Variants in NCAPD2 observed in about 807,000 individuals in gnomAD.
The protein encoded by NCAPD2 is condensin complex subunit 1.
In NCAPD2, 100 loss-of-function variants were observed where a neutral mutation model predicts 164.5. The ratio of observed to expected loss-of-function variants is 0.61; its 90% confidence interval spans 0.52 to 0.72. The LOEUF is 0.72. NCAPD2 is among the 30% of genes least tolerant of loss of function. NCAPD2 has a pLI of 0.00. For synonymous variants in NCAPD2, 585 were observed against 642.6 expected (o/e 0.91, Z 1.36); for missense variants, 1,560 against 1,749.2 (o/e 0.89, Z 1.93).
chr12:6,496,347 A>G (rs997528433), intron 2 of NCAPD2, among the ~76,000 whole-genome samples: 1 of 152,190 alleles, frequency 6.6e-6, no homozygotes, highest in African/African-American at 2.4e-5. Context: ...GGCGTGAGCC[A>G]CTGCACCAGT....
In NCAPD2 at chr12:6,525,680, G is replaced by T. The variant is rs1310900245; in HGVS notation, c.2312G>T (p.Arg771Leu). ...AAGGTCGCCTGCTGTCCTCTGGAGC[G>T]CTGTTCCTCTGTCATGCTTCTTGGC... ...TEKVACCPLE[R>L]CSSVMLLGMM... Residue 771 changes from arginine (R) to leucine (L), a missense_variant, in exon 18 of 32, where the codon CGC becomes CTC. Arg to Leu is a moderately radical substitution (Grantham distance 102). Coordinates refer to ENST00000315579, the MANE Select transcript of NCAPD2 (RefSeq NM_014865.4). The T allele has an allele frequency of 6.2e-7, 1 of 1,613,602 alleles. No homozygotes were observed. Among genetic ancestry groups the T allele is most frequent in the Non-Finnish European group, 8.5e-7 (1 of 1,179,970 alleles).
chr12:6,531,509 T>A lies in NCAPD2; in HGVS notation c.*97T>A, dbSNP rs571340759. Reference sequence around the variant, plus strand: ...GTAAAATATTTGTCTGTCTCTTTTTTTTAAAAAAAAAAAAGGCCGGGCACT... The same window carrying A: ...GTAAAATATTTGTCTGTCTCTTTTTATTAAAAAAAAAAAAGGCCGGGCACT... On this transcript the variant is annotated 3_prime_UTR_variant, in exon 32 of 32. Coordinates refer to ENST00000315579, the MANE Select transcript of NCAPD2 (RefSeq NM_014865.4). The surrounding 1 kb of genome is among the most constrained non-coding windows in gnomAD (Gnocchi z 4.1). 535 of 1,507,992 alleles carry A rather than the reference T, an allele frequency of 3.5e-4. No individual in the cohort carries two copies. Among genetic ancestry groups the A allele is most frequent in the African/African-American group, 2.5e-3 (149 of 59,310 alleles). 93.4% of individuals were successfully genotyped at this position (1,507,992 alleles called of 1,614,324 possible). A position where few individuals can be genotyped will look rare whatever the true frequency, so the allele number is the denominator to read the frequency against.
Position 6,531,266 on chromosome 12 carries a change from A to G in NCAPD2, c.4121-61A>G, listed in dbSNP as rs1350188779. The G allele has an allele frequency of 1.3e-6, 2 of 1,545,526 alleles. No individual in the cohort carries two copies. Among genetic ancestry groups the G allele is most frequent in the African/African-American group, 2.7e-5 (2 of 73,206 alleles). ...GGGATTGTCTCACTTGTTCTCTGAT[A>G]TCTATTTTTTCACCATCTTTGTGAC... is the stretch of plus-strand genomic sequence containing the variant. On this transcript the variant is annotated intron_variant, in intron 31 of 31. Transcript: ENST00000315579. The surrounding 1 kb of genome is among the most constrained non-coding windows in gnomAD (Gnocchi z 4.1).
At position 6,530,698 on chromosome 12, in the gene NCAPD2, T is replaced by C. The variant is rs779146378; in HGVS notation, c.3845T>C (p.Ile1282Thr). ...RGAKPEGKAI[I>T]DEFEQKLRAC... ...CTCCTTTTCTCCCTCCAGGCTATAA[T>C]AGATGAATTTGAGCAGAAGCTTCGG... The change falls in exon 30 of 32, where the codon ATA (isoleucine) becomes ACA (threonine). Residue 1282 changes from isoleucine to threonine, a missense_variant. Transcript: ENST00000315579. 5 of 1,614,106 alleles carry C rather than the reference T, an allele frequency of 3.1e-6. No individual in the cohort carries two copies. Among genetic ancestry groups the C allele is most frequent in the Non-Finnish European group, 8.5e-7 (1 of 1,180,014 alleles).
chr12:6,517,907 A>G lies in NCAPD2; in HGVS notation c.1537A>G (p.Thr513Ala). Reference sequence around the variant, plus strand: ...TGAGCAAATTGCCAATACAGAGACAACTGAAGATGTGAAAGGACGCATCTA... The same window carrying G: ...TGAGCAAATTGCCAATACAGAGACAGCTGAAGATGTGAAAGGACGCATCTA... Reference protein sequence around the residue: ...IPEQIANTETTEDVKGRIYQL... With the variant: ...IPEQIANTETAEDVKGRIYQL... Residue 513 changes from threonine to alanine, a missense_variant, in exon 13 of 32, where the codon ACT becomes GCT. Thr to Ala is a moderately conservative substitution (Grantham distance 58). Transcript: ENST00000315579. 1 of 1,614,132 alleles carries G rather than the reference A, an allele frequency of 6.2e-7. No individual in the cohort carries two copies. The highest frequency in any genetic ancestry group is 2.2e-5 in the East Asian group (1 of 44,882).
intron 9 of NCAPD2, 151 bp downstream of exon 9, chr12:6,515,071 G>C (rs565365341): frequency 1.2e-6 from 1 of 813,662 alleles, no homozygotes; most frequent in East Asian, 2.6e-5. Context: ...AGCAGGTCAA[G>C]TTTGTTGAAT....
chr12:6,528,880 G>C lies in NCAPD2; in HGVS notation c.3477+24G>C. ...AGGTGAGAGGCAGAGAGGCACTGAGGGCTGGCTGCAGAGGGAATCTGTAGG... is the reference window on the plus strand; with the variant it reads ...AGGTGAGAGGCAGAGAGGCACTGAGCGCTGGCTGCAGAGGGAATCTGTAGG... On this transcript the variant is annotated intron_variant, in intron 26 of 31. Transcript: ENST00000315579. The surrounding 1 kb of genome is among the most constrained non-coding windows in gnomAD (Gnocchi z 5.1). 4 of 1,613,034 alleles carry C rather than the reference G, an allele frequency of 2.5e-6. No individual in the cohort carries two copies. The highest frequency in any genetic ancestry group is 3.4e-6 in the Non-Finnish European group (4 of 1,179,030).
intron 1 of NCAPD2, 75 bp from the exon 2 acceptor site, chr12:6,495,001 T>C: frequency 6.8e-7 from 1 of 1,462,324 alleles, no homozygotes. Flanking sequence ...ATGTTGGGGA[T>C]GGGAAAGTAA....
chr12:6,524,605 C>T (rs977712876), intron 17 of NCAPD2, among the ~76,000 whole-genome samples: 11 of 144,824 alleles, frequency 7.6e-5, no homozygotes, highest in Non-Finnish European at 3.0e-5. Context: ...GCCGAGATTG[C>T]GCCACTGCAC....
At chr12:6,511,962 C>G (rs1418433765) in intron 6 of NCAPD2, among the ~76,000 whole-genome samples, 2 of 147,874 alleles carry the variant, frequency 1.4e-5, no homozygotes, top group African/African-American at 2.5e-5. Context: ...CCATCCTGGG[C>G]GACAAGAGCA....
In NCAPD2 at chr12:6,528,347, C is replaced by A; in HGVS notation, c.3299+19C>A. On this transcript the variant is annotated intron_variant, in intron 25 of 31. Transcript: ENST00000315579. The surrounding 1 kb of genome is among the most constrained non-coding windows in gnomAD (Gnocchi z 5.1). ...ATGCTCGGTAAGAGACCCCTCACAA[C>A]GTGGTGGCAGTTCCCAGGAGCCCCG... The A allele has an allele frequency of 6.2e-7, 1 of 1,613,096 alleles. No homozygotes were observed. The highest frequency in any genetic ancestry group is 8.5e-7 in the Non-Finnish European group (1 of 1,179,886).
At chr12:6,495,452 T>G (rs887039610) in intron 2 of NCAPD2, among the ~76,000 whole-genome samples, 3 of 152,380 alleles carry the variant, frequency 2.0e-5, no homozygotes, top group Admixed American at 6.5e-5. Context: ...TTGGTGTATG[T>G]GATTACTCTT....
intron 22 of NCAPD2, among the ~76,000 whole-genome samples, chr12:6,527,301 A>T (rs1402005060): frequency 6.6e-6 from 1 of 152,150 alleles, no homozygotes; most frequent in Non-Finnish European, 1.5e-5. Flanking sequence ...TCAGCATAAA[A>T]CAGAGGCTTT....
chr12:6,520,799 G>GA (rs1364599450), intron 13 of NCAPD2, among the ~76,000 whole-genome samples, 187 bp from the exon 14 acceptor site: 3 of 152,082 alleles, frequency 2.0e-5, no homozygotes, highest in Non-Finnish European at 4.4e-5. Flanking sequence ...GCAGTCAGGG[G>GA]AAAAAAATAG....
At chr12:6,516,182 C>G (rs1186674167) in intron 9 of NCAPD2, among the ~76,000 whole-genome samples, 1 of 147,554 alleles carries the variant, frequency 6.8e-6, no homozygotes, top group Admixed American at 6.9e-5. Flanking sequence ...GGTGACAAAA[C>G]GAGACTCTGT....
In NCAPD2 at chr12:6,528,793, C is replaced by T. The variant is rs768188304; in HGVS notation, c.3414C>T (p.Leu1138=). 15 of 1,613,994 alleles carry T rather than the reference C, an allele frequency of 9.3e-6. No homozygotes were observed. Among genetic ancestry groups the T allele is most frequent in the African/African-American group, 5.3e-5 (4 of 74,900 alleles). The change falls in exon 26 of 32, where the codon CTC becomes CTT. Residue 1138 remains leucine (L), a synonymous_variant. Transcript: ENST00000315579. This position sits in a 1 kb window ranked among gnomAD's most constrained non-coding sequence, Gnocchi z 5.1. The part of the protein sequence containing the change: ...KGQVSEMAVL[L]IDPEPQIAAL... ...AGGTCAGCGAGATGGCGGTGCTGCT[C>T]ATCGACCCCGAGCCTCAGATTGCTG... is the stretch of plus-strand genomic sequence containing the variant.
chr12:6,530,562 AT>A, intron 29 of NCAPD2, 128 bp from the exon 30 acceptor site: 1 of 1,154,652 alleles, frequency 8.7e-7, no homozygotes, highest in Non-Finnish European at 1.2e-6. Context: ...ATGATCCGGT[AT>A]GGAGCCTTCT....
At chr12:6,521,354 G>C (rs1456053449) in intron 14 of NCAPD2, among the ~76,000 whole-genome samples, 3 of 152,208 alleles carry the variant, frequency 2.0e-5, no homozygotes, top group Admixed American at 2.0e-4. Flanking sequence ...ATATTTTAGA[G>C]TAAGTTTTAA....
chr12:6,529,831 A>G lies in NCAPD2; in HGVS notation c.3710A>G (p.Glu1237Gly), dbSNP rs1946354859. 1 of 1,614,260 alleles carries G rather than the reference A, an allele frequency of 6.2e-7. No homozygotes were observed. The highest frequency in any genetic ancestry group is 8.5e-7 in the Non-Finnish European group (1 of 1,180,046). ...AYCVSQLPLT[E>G]RGLRKMLDNF... is the part of the protein sequence containing the mutation. Reference sequence around the variant, plus strand: ...TGTGTGTCACAGCTGCCCCTCACAGAGCGAGGCCTCCGTAAGATGCTTGAC... The same window carrying G: ...TGTGTGTCACAGCTGCCCCTCACAGGGCGAGGCCTCCGTAAGATGCTTGAC... The change falls in exon 29 of 32, where the codon GAG becomes GGG. Residue 1237 changes from glutamate (E) to glycine (G), a missense_variant. By Grantham distance (98) the Glu-to-Gly change is moderately conservative. Transcript: ENST00000315579.
Sources: allele counts gnomAD v4.1 joint callset (sites outside exome capture counted in the v4.1 genomes callset), GRCh38; gene constraint gnomAD v4.1.1; non-coding constraint Gnocchi (gnomAD v3.1); transcripts MANE v1.5; gene names NCBI Gene and HGNC (gene_info 2026-07-23, HGNC 2026-07-21).